The following CLVS1 variants were observed in gnomAD, a reference collection of about 807,000 sequenced individuals.
The protein encoded by CLVS1 is clavesin 1.
Under a neutral mutation model 33.1 loss-of-function variants are expected in CLVS1, and 10 were observed. The ratio of observed to expected loss-of-function variants is 0.30; its 90% confidence interval spans 0.19 to 0.51. The LOEUF (loss-of-function observed/expected upper bound fraction) is 0.51, where lower values mean the gene tolerates loss of function less well. Ranked by LOEUF, CLVS1 falls within the 20% of genes least tolerant of loss-of-function variation. CLVS1 has a pLI of 0.97. For synonymous variants in CLVS1, 163 were observed against 166.1 expected, an observed-to-expected ratio of 0.98 and a Z score of 0.14; for missense variants, 343 against 433.4, an observed-to-expected ratio of 0.79 and a Z score of 1.85.
rs183327445 is a variant in CLVS1, at chr8:61,338,361, C to T, written c.455+38079C>T. On this transcript the variant is annotated intron_variant, in intron 2 of 5. Coordinates refer to ENST00000325897, the MANE Select transcript of CLVS1 (RefSeq NM_173519.3). ...GCACTTTTAAATTGACCAGTAATCTCCTAAACTTAAATGTAGACCACAGTT... is the reference window on the plus strand; with the variant it reads ...GCACTTTTAAATTGACCAGTAATCTTCTAAACTTAAATGTAGACCACAGTT... Among the ~76,000 whole-genome samples, 44 of 152,278 alleles carry T rather than the reference C, an allele frequency of 2.9e-4. 1 individual carries two copies. The highest frequency in any genetic ancestry group is 2.5e-3 in the Admixed American group (38 of 15,292).
intron 2 of CLVS1, among the ~76,000 whole-genome samples, chr8:61,233,148 A>G (rs936325155): frequency 6.6e-6 from 1 of 152,236 alleles, no homozygotes. Flanking sequence ...TTAAGAGGAA[A>G]TTGTACCCAT....
At chr8:61,293,098 G>A (rs148496462) in intron 1 of CLVS1, among the ~76,000 whole-genome samples, 2,246 of 152,274 alleles carry the variant, frequency 0.015, 25 homozygotes, top group Non-Finnish European at 0.023. Flanking sequence ...GGGAGCCAAG[G>A]GAGTCTACAC....
the CLVS1 span, among the ~76,000 whole-genome samples, chr8:61,000,636 A>G: frequency 6.6e-6 from 1 of 151,238 alleles, no homozygotes; most frequent in Non-Finnish European, 1.5e-5. Context: ...AATGCAAAAC[A>G]GTTCTCCTCA....
At chr8:61,297,991 G>A (rs772954545) in intron 1 of CLVS1, among the ~76,000 whole-genome samples, 1 of 152,164 alleles carries the variant, frequency 6.6e-6, no homozygotes, top group African/African-American at 2.4e-5. Context: ...GAGTTTGCTT[G>A]GAACCTGTTG....
chr8:61,237,971 C>A (rs1808603723), intron 2 of CLVS1, among the ~76,000 whole-genome samples: 2 of 152,096 alleles, frequency 1.3e-5, no homozygotes, highest in African/African-American at 4.8e-5. Context: ...ACTGAGGCAT[C>A]CAAGCCGAGG....
At chr8:61,441,527 G>A (rs887204979) in intron 3 of CLVS1, among the ~76,000 whole-genome samples, 21 of 152,180 alleles carry the variant, frequency 1.4e-4, no homozygotes, top group African/African-American at 3.6e-4. Context: ...TGTGAAAGAA[G>A]CTTCCCAAGG....
At chr8:61,298,039 A>C (rs532776477) in intron 1 of CLVS1, among the ~76,000 whole-genome samples, 26 of 152,164 alleles carry the variant, frequency 1.7e-4, no homozygotes, top group Non-Finnish European at 3.1e-4. Context: ...GTAGTGCATA[A>C]GTTTGGATAA....
chr8:61,501,306 A>G lies in CLVS1; in HGVS notation c.*1764A>G, dbSNP rs1804883066. 6.6e-6 allele frequency: 1 copy of G among 152,206 alleles called. No homozygotes were observed. Among genetic ancestry groups the G allele is most frequent in the South Asian group, 2.1e-4 (1 of 4,834 alleles). 9.4% of individuals were successfully genotyped at this position (152,206 alleles called of 1,614,324 possible). On this transcript the variant is annotated 3_prime_UTR_variant, in exon 6 of 6. Transcript: ENST00000325897. Reference sequence around the variant, plus strand: ...AGTATTTACAATGCTATTGGAGTCAATTATTGACAACACTTTGCAACAGTA... The same window carrying G: ...AGTATTTACAATGCTATTGGAGTCAGTTATTGACAACACTTTGCAACAGTA...
chr8:61,030,491 A>G, the CLVS1 span, among the ~76,000 whole-genome samples: 1 of 152,072 alleles, frequency 6.6e-6, no homozygotes, highest in South Asian at 2.1e-4. Context: ...ACACATGGGC[A>G]TATTCTACAC....
At chr8:61,373,720 T>C (rs150902812) in intron 2 of CLVS1, among the ~76,000 whole-genome samples, 268 of 152,346 alleles carry the variant, frequency 1.8e-3, no homozygotes, top group African/African-American at 6.2e-3. Flanking sequence ...TCTTTTTTCT[T>C]CATTTGACTT....
At chr8:60,979,795 G>A in the CLVS1 span, among the ~76,000 whole-genome samples, 1 of 152,202 alleles carries the variant, frequency 6.6e-6, no homozygotes, top group African/African-American at 2.4e-5. Context: ...TTGTCACACT[G>A]TCAGCCTGCC....
the CLVS1 span, among the ~76,000 whole-genome samples, chr8:61,007,612 T>G: frequency 6.6e-6 from 1 of 152,152 alleles, no homozygotes; most frequent in Non-Finnish European, 1.5e-5. Flanking sequence ...CATGGAACTT[T>G]GAACTTGGTG....
At chr8:61,193,140 A>C (rs1352931463) in intron 2 of CLVS1, among the ~76,000 whole-genome samples, 8 of 152,210 alleles carry the variant, frequency 5.3e-5, no homozygotes, top group Non-Finnish European at 1.0e-4. Flanking sequence ...TCAATGATAG[A>C]CTGGATTAAG....
At chr8:61,122,338 A>AGTAAATAATTCAAGCCTCATACTCAG (rs1805887569) in intron 1 of CLVS1, among the ~76,000 whole-genome samples, 1 of 152,200 alleles carries the variant, frequency 6.6e-6, no homozygotes. Flanking sequence ...TGAGCAGGAT[A>AGTAAATAATTCAAGCCTCATACTCAG]GTAAATAATT....
intron 2 of CLVS1, chr8:61,202,570 G>A: frequency 2.4e-6 from 3 of 1,248,132 alleles, no homozygotes; most frequent in Non-Finnish European, 3.5e-6. Context: ...CCCAATTAAA[G>A]TAACACTGGC....
At chr8:61,349,670 A>G (rs1332006161) in intron 2 of CLVS1, among the ~76,000 whole-genome samples, 3 of 152,134 alleles carry the variant, frequency 2.0e-5, no homozygotes, top group Middle Eastern at 6.3e-3. Context: ...GTTTGGAATC[A>G]GTAAGAAACA....
At chr8:61,170,630 A>G (rs1253753005) in intron 2 of CLVS1, among the ~76,000 whole-genome samples, 1 of 152,174 alleles carries the variant, frequency 6.6e-6, no homozygotes, top group East Asian at 1.9e-4. Flanking sequence ...ACCCTGGGTG[A>G]TCCAAGCATC....
chr8:61,454,337 C>T (rs927805328), intron 4 of CLVS1, 86 bp downstream of exon 4: 3 of 940,014 alleles, frequency 3.2e-6, no homozygotes, highest in African/African-American at 3.2e-5. Context: ...CCTTTCCCCC[C>T]TTTTTCTCTC....
rs189146992 is a variant in CLVS1 at position 61,218,858 on chromosome 8, C to T, written c.-151-80819C>T. Among the ~76,000 whole-genome samples the T allele has an allele frequency of 3.2e-4, 48 of 151,712 alleles. No homozygotes were observed. In the East Asian group the frequency reaches 7.0e-3, roughly 22 times the overall value. ...ACTAGGGAGACTGAGGCAGGATAAC[C>T]GCTTGAACCCGGGAGGTGGAGGCTG... On this transcript the variant is annotated intron_variant, in intron 2 of 2. Transcript: ENST00000522621.
Sources: allele counts gnomAD v4.1 joint callset (sites outside exome capture counted in the v4.1 genomes callset), GRCh38; gene constraint gnomAD v4.1.1; transcripts MANE v1.5; gene names NCBI Gene and HGNC (gene_info 2026-07-23, HGNC 2026-07-21).